The following FSTL4 variants were observed in gnomAD, a reference collection of about 807,000 sequenced individuals.
The protein encoded by FSTL4 is follistatin like 4.
Under a neutral mutation model 78.2 loss-of-function variants are expected in FSTL4, and 28 were observed. The ratio of observed to expected loss-of-function variants is 0.36; its 90% CI spans 0.27 to 0.49. The LOEUF is 0.49. FSTL4 is among the 20% of genes least tolerant of loss of function. The pLI is 0.98. For missense variants in FSTL4, 922 were observed against 1,084.9 expected (o/e 0.85, Z 2.11); for synonymous variants, 422 against 440.5 (o/e 0.96, Z 0.53).
intron 4 of FSTL4, among the ~76,000 whole-genome samples, chr5:133,369,701 A>G (rs1755250084): frequency 6.6e-6 from 1 of 152,136 alleles, no homozygotes; most frequent in Non-Finnish European, 1.5e-5. Flanking sequence ...CCTCCTACAC[A>G]GTGTGATTTT....
chr5:133,462,065 G>C (rs1330609214), intron 3 of FSTL4, among the ~76,000 whole-genome samples: 3 of 152,160 alleles, frequency 2.0e-5, no homozygotes, highest in Non-Finnish European at 4.4e-5. Flanking sequence ...AAAACCATCT[G>C]ACCTCACCTG....
chr5:133,232,698 G>A (rs758659307), intron 8 of FSTL4, among the ~76,000 whole-genome samples: 2 of 152,222 alleles, frequency 1.3e-5, no homozygotes, highest in Admixed American at 6.5e-5. Flanking sequence ...TGTGACCCCA[G>A]GCAAGTGACC....
intron 4 of FSTL4, among the ~76,000 whole-genome samples, chr5:133,366,341 A>G (rs75304310): frequency 0.017 from 2,622 of 152,098 alleles, 62 homozygotes; most frequent in African/African-American, 0.06. Context: ...GCTTTTCTTT[A>G]TGGTCTTTAC....
intron 4 of FSTL4, among the ~76,000 whole-genome samples, chr5:133,395,752 C>T (rs1470810127): frequency 6.6e-6 from 1 of 152,204 alleles, no homozygotes; most frequent in East Asian, 1.9e-4. Flanking sequence ...ACACTCTCAA[C>T]CTAGCAAACC....
the FSTL4 span, among the ~76,000 whole-genome samples, chr5:133,798,594 T>C: frequency 6.6e-6 from 1 of 151,524 alleles, no homozygotes; most frequent in East Asian, 1.9e-4. Context: ...CATGTACAGG[T>C]ACTGGGCTCC....
rs142974385 is a variant in FSTL4 at position 133,471,261 on chromosome 5, C to T, written c.161-70275G>A. On this transcript the variant is annotated intron_variant, in intron 3 of 15. Transcript: ENST00000265342. ...ACCTCAATTGCCTCACTCTGATCCT[C>T]GCCCTGTTTTGTGCCAGGCATAGAA... is the stretch of plus-strand genomic sequence containing the variant. Among the ~76,000 whole-genome samples the T allele has an allele frequency of 1.7e-3, 264 of 152,282 alleles. 2 individuals carry two copies. The highest frequency in any genetic ancestry group is 5.4e-4 in the Non-Finnish European group (37 of 68,026).
chr5:133,829,158 G>T, the FSTL4 span, among the ~76,000 whole-genome samples: 7 of 152,204 alleles, frequency 4.6e-5, no homozygotes, highest in African/African-American at 1.7e-4. Context: ...GGGAGGCCAA[G>T]GTGGGAGGAT....
chr5:133,305,560 C>G (rs544583098), intron 6 of FSTL4, among the ~76,000 whole-genome samples: 1 of 152,290 alleles, frequency 6.6e-6, no homozygotes, highest in South Asian at 2.1e-4. Context: ...CCAGGACGCT[C>G]TCTCTCAGCT....
rs548920412 is a variant in FSTL4, at chr5:133,209,624, T to C, written c.1716+567A>G. 1.4e-3 allele frequency among the ~76,000 whole-genome samples: 212 copies of C among 152,254 alleles called. 1 individual carries two copies. The highest frequency in any genetic ancestry group is 4.8e-3 in the African/African-American group (198 of 41,556). On this transcript the variant is annotated intron_variant, in intron 14 of 15. Coordinates refer to ENST00000265342, the MANE Select transcript of FSTL4 (RefSeq NM_015082.2). ...AGGGTTGCTATTGACCTTTCTTGGC[T>C]GATGGGGGAAGGGATCCCACGGATC...
chr5:133,802,309 G>A, the FSTL4 span, among the ~76,000 whole-genome samples: 1 of 152,190 alleles, frequency 6.6e-6, no homozygotes, highest in African/African-American at 2.4e-5. Context: ...AAGGAAAGAG[G>A]AGAGAGAGGG....
chr5:133,368,785 T>C (rs1311881824), intron 4 of FSTL4, among the ~76,000 whole-genome samples: 1 of 152,216 alleles, frequency 6.6e-6, no homozygotes, highest in Non-Finnish European at 1.5e-5. Flanking sequence ...GGCCTTGCTG[T>C]CAGATGTACT....
At chr5:133,623,436 C>T in the FSTL4 span, among the ~76,000 whole-genome samples, 12 of 152,050 alleles carry the variant, frequency 7.9e-5, no homozygotes, top group South Asian at 2.5e-3. Flanking sequence ...TGGGATAACT[C>T]AATATCCACA....
the FSTL4 span, among the ~76,000 whole-genome samples, chr5:133,719,442 G>T: frequency 1.3e-5 from 2 of 152,076 alleles, no homozygotes; most frequent in African/African-American, 4.8e-5. Flanking sequence ...GGCCAAGGCA[G>T]GTGGATCACC....
intron 3 of FSTL4, among the ~76,000 whole-genome samples, chr5:133,537,618 A>T (rs1425287909): frequency 6.6e-6 from 1 of 152,108 alleles, no homozygotes; most frequent in Admixed American, 6.6e-5. Context: ...TAGGACCTCC[A>T]GTGCAATATT....
chr5:133,512,052 T>TG (rs747940887), intron 3 of FSTL4, among the ~76,000 whole-genome samples: 11 of 152,222 alleles, frequency 7.2e-5, no homozygotes, highest in Non-Finnish European at 1.6e-4. Context: ...TAACCCACAG[T>TG]ACCCTCCTTC....
At chr5:133,802,482 G>A in the FSTL4 span, among the ~76,000 whole-genome samples, 1 of 152,208 alleles carries the variant, frequency 6.6e-6, no homozygotes, top group Non-Finnish European at 1.5e-5. Flanking sequence ...CCTTTGTAAT[G>A]CTCCAGGGAG....
the FSTL4 span, among the ~76,000 whole-genome samples, chr5:133,626,797 GC>G: frequency 2.6e-5 from 4 of 151,966 alleles, no homozygotes; most frequent in Non-Finnish European, 5.9e-5. Context: ...TTGTTTTATG[GC>G]CCAGTATATG....
chr5:133,717,689 T>C, the FSTL4 span, among the ~76,000 whole-genome samples: 1 of 152,252 alleles, frequency 6.6e-6, no homozygotes, highest in East Asian at 1.9e-4. Context: ...TATTCTTTTA[T>C]GTCTAGCTTC....
chr5:133,225,579 CCT>C lies in FSTL4; in HGVS notation c.1177+77_1177+78del. ...CTGTCTGACTTATAAACAAATTATA[CCT>C]CTCGTTTCCATTCCTGGAGTCTCAG... is the stretch of plus-strand genomic sequence containing the variant. On this transcript the variant is annotated intron_variant, in intron 9 of 15. Transcript: ENST00000265342. This position sits in a 1 kb window ranked among gnomAD's most constrained non-coding sequence, Gnocchi z 4.6. 7.7e-7 allele frequency: 1 copy of C among 1,294,660 alleles called. No individual in the cohort carries two copies. Among genetic ancestry groups the C allele is most frequent in the Non-Finnish European group, 1.1e-6 (1 of 930,156 alleles). The allele number at this position is 1,294,660 out of a possible 1,614,324, so 80.2% of individuals were successfully genotyped here.
Sources: allele counts gnomAD v4.1 joint callset (sites outside exome capture counted in the v4.1 genomes callset), GRCh38; gene constraint gnomAD v4.1.1; non-coding constraint Gnocchi (gnomAD v3.1); transcripts MANE v1.5; gene names NCBI Gene and HGNC (gene_info 2026-07-23, HGNC 2026-07-21).